PCDH15: variants seen among roughly 807,000 people sequenced by gnomAD.
PCDH15 encodes protocadherin related 15, also known as protocadherin-15.
A neutral mutation model predicts 178.5 loss-of-function variants in PCDH15; 129 were observed. The observed-to-expected ratio is 0.72, with a 90% CI of 0.63 to 0.84. The LOEUF is 0.84. Ranked by LOEUF, PCDH15 falls within the 40% of genes least tolerant of loss-of-function variation. PCDH15 has a pLI of 0.00. For synonymous variants in PCDH15, 800 were observed against 732.0 expected, an observed-to-expected ratio of 1.09 and a Z score of -1.50; for missense variants, 2,230 against 2,099.9, an observed-to-expected ratio of 1.06 and a Z score of -1.21.
intron 2 of PCDH15, among the ~76,000 whole-genome samples, chr10:55,101,249 C>T (rs1017494858): frequency 1.3e-5 from 2 of 151,892 alleles, no homozygotes; most frequent in Non-Finnish European, 2.9e-5. Flanking sequence ...CAGGGTGGCA[C>T]GTACCTGTAA....
rs1404895223 is a variant in PCDH15, at chr10:54,575,066, C to T, written c.92-47189G>A. On this transcript the variant is annotated intron_variant, in intron 2 of 37. Coordinates refer to ENST00000644397, the MANE Select transcript of PCDH15 (RefSeq NM_001384140.1). ...ATCGCAAGAACAAAAAACCAAGCACCACATATTCTCACTCATAGGTGGGAA... is the reference window on the plus strand; with the variant it reads ...ATCGCAAGAACAAAAAACCAAGCACTACATATTCTCACTCATAGGTGGGAA... Among the ~76,000 whole-genome samples, 5 of 133,696 alleles carry T rather than the reference C, an allele frequency of 3.7e-5. No homozygotes were observed. In the East Asian group the frequency reaches 9.0e-4, roughly 24 times the overall value. The allele number at this position is 133,696 out of a possible 152,430, so 87.7% of individuals were successfully genotyped here.
chr10:54,811,590 C>T (rs990717480), intron 3 of PCDH15, among the ~76,000 whole-genome samples: 1 of 152,144 alleles, frequency 6.6e-6, no homozygotes, highest in Non-Finnish European at 1.5e-5. Flanking sequence ...CCTGCCTCAG[C>T]CTCCTGAGTC....
In PCDH15 at chr10:54,023,130, A is replaced by C. The variant is rs775959623; in HGVS notation, c.2288T>G (p.Phe763Cys). The change falls in exon 19 of 38, where the codon TTT becomes TGT. Residue 763 changes from phenylalanine (F) to cysteine (C), a missense_variant. Phe to Cys is a radical substitution (Grantham distance 205, BLOSUM62 -2). Coordinates refer to ENST00000644397, the MANE Select transcript of PCDH15 (RefSeq NM_001384140.1). The part of the protein sequence containing the change: ...HYSLGNFNNL[F>C]RITSNGSIYT... Reference sequence around the variant, plus strand: ...AATGCTCCCATTGGATGTGATACGAAAAAGATTATTAAAGTTACCCAAACT... The same window carrying C: ...AATGCTCCCATTGGATGTGATACGACAAAGATTATTAAAGTTACCCAAACT... The C allele has an allele frequency of 6.2e-7, 1 of 1,613,930 alleles. No homozygotes were observed. Among genetic ancestry groups the C allele is most frequent in the South Asian group, 1.1e-5 (1 of 91,082 alleles).
At chr10:54,025,560 G>A (rs1305061994) in intron 18 of PCDH15, among the ~76,000 whole-genome samples, 1 of 150,534 alleles carries the variant, frequency 6.6e-6, no homozygotes, top group Non-Finnish European at 1.5e-5. Flanking sequence ...GTGCAGTGGT[G>A]CGATCTCGGC....
chr10:54,399,052 G>A (rs10825321), intron 3 of PCDH15, among the ~76,000 whole-genome samples: 69,309 of 151,864 alleles, frequency 0.46, 17,829 homozygotes, highest in Non-Finnish European at 0.59. Flanking sequence ...TGTCCACTTG[G>A]CATATATGTG....
At chr10:54,105,831 T>G (rs773074751) in intron 15 of PCDH15, among the ~76,000 whole-genome samples, 1 of 152,222 alleles carries the variant, frequency 6.6e-6, no homozygotes, top group East Asian at 1.9e-4. Flanking sequence ...CACACAAAAA[T>G]ATATGTAAAT....
chr10:54,944,124 T>C (rs964385399), intron 2 of PCDH15, among the ~76,000 whole-genome samples: 5 of 151,874 alleles, frequency 3.3e-5, no homozygotes, highest in Non-Finnish European at 7.4e-5. Context: ...GCAAAGTGGG[T>C]GGCTGACAAC....
intron 2 of PCDH15, among the ~76,000 whole-genome samples, chr10:55,416,533 G>T (rs1363668815): frequency 6.6e-6 from 1 of 151,698 alleles, no homozygotes; most frequent in African/African-American, 2.4e-5. Flanking sequence ...AAGAAAATGG[G>T]GTTCAGGGCT....
intron 2 of PCDH15, chr10:55,513,268 G>A (rs1055633801): frequency 3.9e-5 from 6 of 152,096 alleles, no homozygotes; most frequent in African/African-American, 7.2e-5. Context: ...TGTATGTAGT[G>A]TGTCCCTGCC....
intron 3 of PCDH15, chr10:54,869,016 C>T (rs1297755977): frequency 2.0e-5 from 3 of 151,992 alleles, no homozygotes; most frequent in South Asian, 2.1e-4. Context: ...AAGGGTGAAT[C>T]GAAGAAATGA....
intron 10 of PCDH15, 39 bp from the exon 11 acceptor site, chr10:54,195,928 T>A: frequency 6.4e-7 from 1 of 1,568,880 alleles, no homozygotes; most frequent in Non-Finnish European, 8.8e-7. Context: ...AGAAAGTATA[T>A]GTCGTGCTAT....
intron 2 of PCDH15, among the ~76,000 whole-genome samples, chr10:54,546,386 T>C (rs1439746644): frequency 2.6e-5 from 4 of 152,174 alleles, no homozygotes; most frequent in East Asian, 1.9e-4. Flanking sequence ...TGAGTGTGAA[T>C]ATATAAAGTC....
intron 1 of PCDH15, among the ~76,000 whole-genome samples, chr10:55,262,693 C>A (rs1842177225): frequency 6.6e-6 from 1 of 152,184 alleles, no homozygotes; most frequent in Non-Finnish European, 1.5e-5. Flanking sequence ...CTTCTGGCTT[C>A]CCAATCTGCT....
chr10:54,087,348 A>G (rs2094531041), intron 16 of PCDH15, among the ~76,000 whole-genome samples: 1 of 152,162 alleles, frequency 6.6e-6, no homozygotes, highest in South Asian at 2.1e-4. Context: ...TCAACTTTTT[A>G]TCTTATAGAT....
intron 2 of PCDH15, chr10:54,568,760 T>C (rs899100290): frequency 1.3e-5 from 2 of 152,148 alleles, no homozygotes; most frequent in Non-Finnish European, 2.9e-5. Context: ...TTATGCTACA[T>C]GTATATTATC....
intron 2 of PCDH15, among the ~76,000 whole-genome samples, chr10:54,999,670 G>A (rs541116691): frequency 6.6e-6 from 1 of 152,194 alleles, no homozygotes; most frequent in African/African-American, 2.4e-5. Flanking sequence ...GAGTTGGCAG[G>A]GCAGGACGCC....
Position 55,350,962 on chromosome 10 carries a change from TTCTTCC to T in PCDH15, c.-155-184317_-155-184312del, listed in dbSNP as rs199828012. On this transcript the variant is annotated intron_variant, in intron 2 of 5. Transcript: ENST00000613346. ...CCACATGTTTTATTATTTCTTCTTC[TTCTTCC>T]TCTTCCTCTTCCTCTTCCTCCTCCC... 4.0e-3 allele frequency among the ~76,000 whole-genome samples: 610 copies of T among 150,686 alleles called. 4 individuals are homozygous for T. The highest frequency in any genetic ancestry group is 0.011 in the African/African-American group (444 of 40,806).
intron 2 of PCDH15, among the ~76,000 whole-genome samples, chr10:54,959,008 A>T (rs1456404747): frequency 6.6e-6 from 1 of 151,888 alleles, no homozygotes; most frequent in Non-Finnish European, 1.5e-5. Context: ...CAACTAATGG[A>T]TGCCTTTTAT....
At position 53,840,424 on chromosome 10, in the gene PCDH15, C is replaced by A. The variant is rs1243975897; in HGVS notation, c.3879G>T (p.Arg1293=). The change falls in exon 29 of 38, where the codon CGG becomes CGT. Residue 1293 remains arginine, a synonymous_variant. Transcript: ENST00000644397. ...KVVVESIGAR[R]HGDAFSLEDY... ...CTTCTAGGGAAAAGGCATCTCCATG[C>A]CGGCGAGCTCCAATGGACTCCACTA... 1 of 1,613,966 alleles carries A rather than the reference C, an allele frequency of 6.2e-7. No individual in the cohort carries two copies. Among genetic ancestry groups the A allele is most frequent in the Non-Finnish European group, 8.5e-7 (1 of 1,179,892 alleles).
Sources: gnomAD v4.1 joint callset for allele counts (sites outside exome capture counted in the v4.1 genomes callset) on GRCh38, gnomAD v4.1.1 for gene constraint, MANE v1.5 for transcripts, NCBI Gene and HGNC (gene_info 2026-07-23, HGNC 2026-07-21) for gene names.